Variants in POGLUT3 observed in about 807,000 individuals in gnomAD.
POGLUT3 encodes the protein protein O-glucosyltransferase 3, also known as KDEL (Lys-Asp-Glu-Leu) containing 2.
Under a neutral mutation model 54.3 loss-of-function variants are expected in POGLUT3, and 48 were observed. That is an observed-to-expected ratio of 0.88 (90% CI 0.70 to 1.12). POGLUT3 has a LOEUF of 1.12. Ranked by LOEUF, POGLUT3 falls within the 50% of genes most tolerant of loss-of-function variation. The pLI, the probability that POGLUT3 is intolerant of heterozygous loss-of-function variation, is 0.00. For synonymous variants in POGLUT3, 218 were observed against 237.4 expected, an observed-to-expected ratio of 0.92 and a Z score of 0.75; for missense variants, 629 against 618.7, an observed-to-expected ratio of 1.02 and a Z score of -0.18.
rs935810070 is a variant in POGLUT3 at position 108,482,966 on chromosome 11, G to A, written c.685-744C>T. 4.6e-5 allele frequency among the ~76,000 whole-genome samples: 7 copies of A among 152,002 alleles called. 1 individual carries two copies. The East Asian group carries it at 9.7e-4, about 21-fold the overall frequency. On this transcript the variant is annotated intron_variant, in intron 3 of 7. Coordinates refer to ENST00000323468, the MANE Select transcript of POGLUT3 (RefSeq NM_153705.5). ...CCTGCCAGTCCATTTCCATCTCCAC[G>A]GTCAATGTCTCAGTTTAGACTCTCA...
rs2093588155 is a variant in POGLUT3 at position 108,479,345 on chromosome 11, T to C, written c.1249A>G (p.Lys417Glu). Residue 417 changes from lysine (K) to glutamate (E), a missense_variant, in exon 6 of 8, where the codon AAA (lysine) becomes GAA (glutamate). Coordinates refer to ENST00000323468, the MANE Select transcript of POGLUT3 (RefSeq NM_153705.5). ...LEPWKHYVPI[K>E]RNLSDLLEKV... ...TCTAATAAATCACTCAGATTTCTTT[T>C]AATTGGAACATAATGCTTCCAAGGT... is the stretch of plus-strand genomic sequence containing the variant. 6.2e-7 allele frequency: 1 copy of C among 1,611,584 alleles called. No individual in the cohort carries two copies. The highest frequency in any genetic ancestry group is 1.3e-5 in the African/African-American group (1 of 74,858).
Position 108,496,014 on chromosome 11 carries a change from G to A in POGLUT3, c.202+2151C>T, listed in dbSNP as rs116516116. Among the ~76,000 whole-genome samples, 1,269 of 152,014 alleles carry A rather than the reference G, an allele frequency of 8.3e-3. 15 individuals are homozygous for A. The highest frequency in any genetic ancestry group is 0.029 in the African/African-American group (1,197 of 41,468). Reference sequence around the variant, plus strand: ...ATATATTTATGTATATATAATATATGTACATATAAAACATATACACAACTT... The same window carrying A: ...ATATATTTATGTATATATAATATATATACATATAAAACATATACACAACTT... On this transcript the variant is annotated intron_variant, in intron 1 of 7. Coordinates refer to ENST00000323468, the MANE Select transcript of POGLUT3 (RefSeq NM_153705.5).
At chr11:108,477,255 A>C (rs2135844736) in intron 7 of POGLUT3, among the ~76,000 whole-genome samples, 1 of 152,182 alleles carries the variant, frequency 6.6e-6, no homozygotes, top group South Asian at 2.1e-4. Context: ...TACAAAAATT[A>C]GCTGGGCATG....
Position 108,472,232 on chromosome 11 carries a change from G to T in POGLUT3, c.*2595C>A, listed in dbSNP as rs1335722039. 2 of 152,010 alleles carry T rather than the reference G, an allele frequency of 1.3e-5. No individual in the cohort carries two copies. Among genetic ancestry groups the T allele is most frequent in the Non-Finnish European group, 2.9e-5 (2 of 68,008 alleles). The allele number at this position is 152,010 out of a possible 1,614,324, so 9.4% of individuals were successfully genotyped here. On this transcript the variant is annotated 3_prime_UTR_variant, in exon 8 of 8. Coordinates refer to ENST00000323468, the MANE Select transcript of POGLUT3 (RefSeq NM_153705.5). ...AATGGAAAAAATATAAATATTTGCT[G>T]TTCCTGTTTATATCTTTTGTGCATT...
chr11:108,494,288 G>T (rs1447920701), intron 1 of POGLUT3, among the ~76,000 whole-genome samples: 1 of 152,144 alleles, frequency 6.6e-6, no homozygotes, highest in Non-Finnish European at 1.5e-5. Context: ...GCTCATTAAG[G>T]CCCTCTACAG....
chr11:108,484,515 CTT>C (rs2093599087), intron 3 of POGLUT3, among the ~76,000 whole-genome samples: 1 of 152,154 alleles, frequency 6.6e-6, no homozygotes, highest in Non-Finnish European at 1.5e-5. Flanking sequence ...ATGCTGAGCA[CTT>C]TGGGAGGCCA....
At position 108,498,234 on chromosome 11, in the gene POGLUT3, G is replaced by A. The variant is rs1380562996; in HGVS notation, c.133C>T (p.Leu45=). 5 of 1,513,318 alleles carry A rather than the reference G, an allele frequency of 3.3e-6. No homozygotes were observed. Among genetic ancestry groups the A allele is most frequent in the South Asian group, 1.2e-5 (1 of 80,186 alleles). The allele number at this position is 1,513,318 out of a possible 1,614,324, so 93.7% of individuals were successfully genotyped here. The change falls in exon 1 of 8, where the codon CTG becomes TTG. Residue 45 remains leucine, a synonymous_variant. Coordinates refer to ENST00000323468, the MANE Select transcript of POGLUT3 (RefSeq NM_153705.5). The part of the protein sequence containing the change: ...WGPGLQAAVV[L]PVRYFYLQAV... ...TGCAGGTAGAAATAGCGGACCGGCA[G>A]GACGACGGCCGCCTGCAGCCCGGGC...
chr11:108,479,579 T>C, intron 5 of POGLUT3, 84 bp from the exon 6 acceptor site: 1 of 893,380 alleles, frequency 1.1e-6, no homozygotes, highest in Non-Finnish European at 1.6e-6. Flanking sequence ...TAATACCAAC[T>C]ACAGAGGAAT....
intron 4 of POGLUT3, among the ~76,000 whole-genome samples, chr11:108,481,642 C>T (rs1227666525): frequency 6.6e-6 from 1 of 152,130 alleles, no homozygotes; most frequent in Non-Finnish European, 1.5e-5. Flanking sequence ...CATTTGTCTG[C>T]TAGTGAAAGC....
intron 1 of POGLUT3, 50 bp from the exon 2 acceptor site, chr11:108,491,217 T>C: frequency 7.0e-7 from 1 of 1,423,470 alleles, no homozygotes; most frequent in Non-Finnish European, 9.9e-7. Context: ...GATAATGATT[T>C]ACAATTATTG....
chr11:108,485,904 C>T (rs1391076198), intron 3 of POGLUT3, among the ~76,000 whole-genome samples: 3 of 152,004 alleles, frequency 2.0e-5, no homozygotes, highest in Non-Finnish European at 2.9e-5. Flanking sequence ...ATGATCCACC[C>T]GCCTCAGCCT....
At chr11:108,482,382 T>C (rs1192673144) in intron 3 of POGLUT3, among the ~76,000 whole-genome samples, 160 bp from the exon 4 acceptor site, 2 of 152,152 alleles carry the variant, frequency 1.3e-5, no homozygotes, top group Non-Finnish European at 2.9e-5. Context: ...GGCTGTGAAT[T>C]TGTCACCTGT....
intron 1 of POGLUT3, among the ~76,000 whole-genome samples, chr11:108,494,453 G>A (rs149596729): frequency 8.5e-4 from 129 of 152,346 alleles, no homozygotes; most frequent in African/African-American, 2.9e-3. Context: ...ACTGACGTAC[G>A]ACAATCATAT....
At chr11:108,484,442 A>G (rs949122229) in intron 3 of POGLUT3, among the ~76,000 whole-genome samples, 1 of 152,126 alleles carries the variant, frequency 6.6e-6, no homozygotes, top group African/African-American at 2.4e-5. Context: ...GAATTGTATA[A>G]CATATCAGGA....
At chr11:108,492,697 C>G (rs1197480553) in intron 1 of POGLUT3, among the ~76,000 whole-genome samples, 1 of 151,906 alleles carries the variant, frequency 6.6e-6, no homozygotes, top group East Asian at 1.9e-4. Flanking sequence ...AATCGAGTAC[C>G]AAACATATAC....
In POGLUT3 at chr11:108,492,078, TCACA is replaced by T. The variant is rs34082898; in HGVS notation, c.203-915_203-912del. ...CTAGTTACCAGACTCTTGTACAAGC[TCACA>T]CACACACACACACACACAAACACAC... On this transcript the variant is annotated intron_variant, in intron 1 of 7. Transcript: ENST00000323468. 5.0e-4 allele frequency among the ~76,000 whole-genome samples: 75 copies of T among 149,852 alleles called. 1 individual carries two copies. The highest frequency in any genetic ancestry group is 1.7e-3 in the South Asian group (8 of 4,700).
In POGLUT3 at chr11:108,490,994, C is replaced by A. The variant is rs978315870; in HGVS notation, c.376G>T (p.Ala126Ser). Residue 126 changes from alanine to serine, a missense_variant, in exon 2 of 8, where the codon GCT (alanine) becomes TCT (serine). By Grantham distance (99) the Ala-to-Ser change is moderately conservative (BLOSUM62 1). Transcript: ENST00000323468. ...IEVLYGDEHVAQSPYILKGPV... is the reference protein window; with the variant it reads ...IEVLYGDEHVSQSPYILKGPV... ...CCTTTCAAAATATAGGGAGACTGAG[C>A]CACATGTTCATCACCATAAAGGACC... The A allele has an allele frequency of 3.7e-6, 6 of 1,613,816 alleles. No homozygotes were observed. In the African/African-American group the frequency reaches 5.3e-5, roughly 14 times the overall value.
Position 108,473,114 on chromosome 11 carries a change from T to C in POGLUT3, c.*1713A>G, listed in dbSNP as rs2093573058. On this transcript the variant is annotated 3_prime_UTR_variant, in exon 8 of 8. Transcript: ENST00000323468. ...CTCTGTCACCCAGGCTGGAGTGCAG[T>C]GGTGTAATCTCAGCTCACTGCAACC... is the stretch of plus-strand genomic sequence containing the variant. 2 of 152,224 alleles carry C rather than the reference T, an allele frequency of 1.3e-5. No individual in the cohort carries two copies. Among genetic ancestry groups the C allele is most frequent in the South Asian group, 4.1e-4 (2 of 4,828 alleles). The allele number at this position is 152,224 out of a possible 1,614,324, so 9.4% of individuals were successfully genotyped here. A position where few individuals can be genotyped will look rare whatever the true frequency, so the allele number is the denominator to read the frequency against.
chr11:108,490,780 G>T (rs772344727), intron 2 of POGLUT3, among the ~76,000 whole-genome samples, 190 bp downstream of exon 2: 1 of 151,942 alleles, frequency 6.6e-6, no homozygotes, highest in Non-Finnish European at 1.5e-5. Context: ...AAATACACAA[G>T]ATTTTTTTCT....
Sources: allele counts gnomAD v4.1 joint callset (sites outside exome capture counted in the v4.1 genomes callset), GRCh38; gene constraint gnomAD v4.1.1; transcripts MANE v1.5; gene names NCBI Gene and HGNC (gene_info 2026-07-23, HGNC 2026-07-21).